CCDC200: variants seen among roughly 807,000 people sequenced by gnomAD.
CCDC200 encodes coiled-coil domain-containing protein 200.
chr17:43,221,798 T>A (rs551510879), intron 3 of CCDC200, among the ~76,000 whole-genome samples: 1 of 152,256 alleles, frequency 6.6e-6, no homozygotes, highest in African/African-American at 2.4e-5. Context: ...ATTGCACAAT[T>A]ATATATTCTT....
intron 1 of CCDC200, among the ~76,000 whole-genome samples, chr17:43,225,995 G>A (rs1368698426): frequency 2.0e-5 from 3 of 151,960 alleles, no homozygotes; most frequent in Admixed American, 6.6e-5. Flanking sequence ...GCCTCCCAAA[G>A]TGCTGGGATG....
At chr17:43,226,511 G>A (rs921290640) in intron 1 of CCDC200, among the ~76,000 whole-genome samples, 1 of 152,054 alleles carries the variant, frequency 6.6e-6, no homozygotes, top group Non-Finnish European at 1.5e-5. Flanking sequence ...TTCTCCCACT[G>A]CAGCCTCCCG....
chr17:43,230,979 CAAA>C (rs1359819265), upstream of CCDC200, among the ~76,000 whole-genome samples: 6 of 31,026 alleles, frequency 1.9e-4, no homozygotes, highest in Non-Finnish European at 3.9e-4. Context: ...GACTCCGTCT[CAAA>C]AAAAAAAAAA....
chr17:43,225,009 T>A (rs1288471016), intron 1 of CCDC200: 1 of 151,692 alleles, frequency 6.6e-6, no homozygotes, highest in Non-Finnish European at 1.5e-5. Flanking sequence ...GGACTACAGG[T>A]GCACACCACC....
intron 1 of CCDC200, chr17:43,224,750 A>ACAGCCC (rs1034752156): frequency 4.0e-4 from 61 of 152,372 alleles, no homozygotes; most frequent in African/African-American, 1.4e-3. Context: ...TCTGGGTGGC[A>ACAGCCC]CAGCCCCAGC....
chr17:43,226,346 AAG>A, intron 1 of CCDC200: 1 of 72,780 alleles, frequency 1.4e-5, no homozygotes. Context: ...GTCTCAAAAA[AAG>A]AAGAAGAAGA....
intron 1 of CCDC200, among the ~76,000 whole-genome samples, chr17:43,225,461 G>A (rs1201081455): frequency 1.3e-5 from 2 of 149,886 alleles, no homozygotes; most frequent in Non-Finnish European, 3.0e-5. Context: ...TCAGGAGTTC[G>A]AGACCAGCCT....
At chr17:43,221,658 T>C (rs1567879465) in intron 3 of CCDC200, 61 bp from the exon 4 acceptor site, 1 of 152,560 alleles carries the variant, frequency 6.6e-6, no homozygotes, top group Non-Finnish European at 1.5e-5. Flanking sequence ...CAGAACATTG[T>C]GTGAAATCCC....
At chr17:43,231,008 G>A (rs1418043482), upstream of CCDC200, among the ~76,000 whole-genome samples, 12 of 92,180 alleles carry the variant, frequency 1.3e-4, no homozygotes, top group African/African-American at 3.4e-4. Context: ...GCTTGGGCCA[G>A]TGGCTCACAC....
At chr17:43,223,886 C>T (rs1476897648) in intron 2 of CCDC200, 1 of 152,380 alleles carries the variant, frequency 6.6e-6, no homozygotes. Flanking sequence ...CCCCCACCTC[C>T]TCTGTCACGC....
chr17:43,227,314 A>AT (rs2057576370), intron 1 of CCDC200, among the ~76,000 whole-genome samples: 1 of 138,514 alleles, frequency 7.2e-6, no homozygotes, highest in Admixed American at 7.3e-5. Flanking sequence ...ATCTCAAAAA[A>AT]AAAATAAAAT....
chr17:43,222,798 T>G (rs988679486), intron 3 of CCDC200, among the ~76,000 whole-genome samples: 7 of 147,166 alleles, frequency 4.8e-5, no homozygotes, highest in African/African-American at 1.8e-4. Context: ...TTAAACGAAG[T>G]CTCGCTCTGT....
intron 2 of CCDC200, chr17:43,223,906 A>T (rs1030209805): frequency 6.6e-6 from 1 of 152,330 alleles, no homozygotes; most frequent in Non-Finnish European, 1.5e-5. Flanking sequence ...CTTACTCTGG[A>T]AGAAGGGCCG....
chr17:43,221,806 CTTG>C (rs1401083581), intron 3 of CCDC200, among the ~76,000 whole-genome samples: 2 of 152,128 alleles, frequency 1.3e-5, no homozygotes, highest in African/African-American at 4.8e-5. Context: ...ATTATATATT[CTTG>C]TTAAGAGTTG....
chr17:43,227,032 G>A (rs1214720312), intron 1 of CCDC200, among the ~76,000 whole-genome samples: 1 of 152,068 alleles, frequency 6.6e-6, no homozygotes, highest in African/African-American at 2.4e-5. Context: ...AGGCTGGAGT[G>A]CAACGGCGCG....
intron 3 of CCDC200, among the ~76,000 whole-genome samples, chr17:43,223,120 T>A (rs1224096528): frequency 1.3e-5 from 2 of 151,990 alleles, no homozygotes; most frequent in African/African-American, 4.8e-5. Flanking sequence ...TCTCACTCTG[T>A]TGCCCAGGCT....
chr17:43,230,970 A>G (rs2057593758), upstream of CCDC200, among the ~76,000 whole-genome samples: 1 of 43,610 alleles, frequency 2.3e-5, no homozygotes, highest in South Asian at 1.1e-3. Flanking sequence ...ACAGAGTGAG[A>G]CTCCGTCTCA....
intron 1 of CCDC200, 148 bp from the exon 2 acceptor site, chr17:43,224,697 C>T (rs1430706161): frequency 2.0e-5 from 3 of 152,258 alleles, no homozygotes; most frequent in Non-Finnish European, 2.9e-5. Context: ...TGAAATTGGG[C>T]CTACGCTGTC....
At chr17:43,225,693 T>TATATA (rs1282739067) in intron 1 of CCDC200, among the ~76,000 whole-genome samples, 2 of 28,970 alleles carry the variant, frequency 6.9e-5, no homozygotes, top group East Asian at 1.2e-3. Flanking sequence ...TATATATATA[T>TATATA]TGCATGCTAC....
Sources: allele counts gnomAD v4.1 joint callset (sites outside exome capture counted in the v4.1 genomes callset), GRCh38; gene constraint gnomAD v4.1.1; transcripts MANE v1.5; gene names NCBI Gene and HGNC (gene_info 2026-07-23, HGNC 2026-07-21).